The following EFHC1 variants were observed in gnomAD, a reference collection of about 807,000 sequenced individuals.
EFHC1 encodes the protein EF-hand domain-containing protein 1.
In EFHC1, 53 loss-of-function variants were observed where a neutral mutation model predicts 69.9. That is an observed-to-expected ratio of 0.76 (90% confidence interval 0.61 to 0.95). The LOEUF (loss-of-function observed/expected upper bound fraction) is 0.95, where lower values mean the gene tolerates loss of function less well. EFHC1 is among the 40% of genes least tolerant of loss of function. The pLI, the probability that EFHC1 is intolerant of heterozygous loss-of-function variation, is 0.00. For synonymous variants in EFHC1, 256 were observed against 278.4 expected (o/e 0.92, Z 0.80); for missense variants, 739 against 798.7 (o/e 0.93, Z 0.90).
chr6:52,438,560 T>C lies in EFHC1; in HGVS notation c.542T>C (p.Phe181Ser). The change falls in exon 3 of 11, where the codon TTC becomes TCC. Residue 181 changes from phenylalanine (F) to serine (S), a missense_variant. Coordinates refer to ENST00000371068, the MANE Select transcript of EFHC1 (RefSeq NM_018100.4). ...AACATCACAATTTATGGCAAAACTTTCCGCGTTGTTGACTGTGACCAATTC... is the reference window on the plus strand; with the variant it reads ...AACATCACAATTTATGGCAAAACTTCCCGCGTTGTTGACTGTGACCAATTC... ...GINITIYGKT[F>S]RVVDCDQFTQ... 1 of 1,614,028 alleles carries C rather than the reference T, an allele frequency of 6.2e-7. No homozygotes were observed. Among genetic ancestry groups the C allele is most frequent in the East Asian group, 2.2e-5 (1 of 44,886 alleles).
At chr6:52,437,245 C>T (rs962757271) in intron 2 of EFHC1, among the ~76,000 whole-genome samples, 3 of 152,094 alleles carry the variant, frequency 2.0e-5, no homozygotes, top group African/African-American at 7.2e-5. Flanking sequence ...GCAATTAACC[C>T]TTCATTTTCA....
chr6:52,442,449 C>T (rs1267256479), intron 3 of EFHC1, among the ~76,000 whole-genome samples: 1 of 151,868 alleles, frequency 6.6e-6, no homozygotes, highest in Non-Finnish European at 1.5e-5. Context: ...TCCCCACACC[C>T]CCCACCCTAT....
chr6:52,424,564 C>T lies in EFHC1; in HGVS notation c.285+397C>T, dbSNP rs140236519. Among the ~76,000 whole-genome samples the T allele has an allele frequency of 1.9e-3, 292 of 152,322 alleles. 3 individuals carry two copies. The highest frequency in any genetic ancestry group is 6.9e-3 in the African/African-American group (285 of 41,578). ...CAGAATATCATTATGAAAACAATGACTCCATCTATTGTCAGTTTTCTGCAA... is the reference window on the plus strand; with the variant it reads ...CAGAATATCATTATGAAAACAATGATTCCATCTATTGTCAGTTTTCTGCAA... On this transcript the variant is annotated intron_variant, in intron 2 of 10. Transcript: ENST00000371068.
In EFHC1 at chr6:52,455,057, A is replaced by T. The variant is rs191685442; in HGVS notation, c.916+770A>T. Among the ~76,000 whole-genome samples the T allele has an allele frequency of 4.7e-3, 714 of 152,166 alleles. 8 individuals carry two copies. Among genetic ancestry groups the T allele is most frequent in the Non-Finnish European group, 2.5e-3 (167 of 68,018 alleles). ...CGGTGAGCTGTGATTGTGGTGCTGC[A>T]CTCCAGCCTGGGCAACAGTGAGATC... On this transcript the variant is annotated intron_variant, in intron 5 of 10. Transcript: ENST00000371068.
intron 9 of EFHC1, chr6:52,484,063 A>C (rs1457322289): frequency 6.6e-6 from 1 of 152,218 alleles, no homozygotes; most frequent in Non-Finnish European, 1.5e-5. Flanking sequence ...TAGAATAAAT[A>C]GCATGTTTGT....
chr6:52,453,868 T>G lies in EFHC1; in HGVS notation c.724-227T>G, dbSNP rs1048353122. The G allele has an allele frequency of 2.9e-6, 4 of 1,374,210 alleles. No homozygotes were observed. The East Asian group carries it at 1.1e-4, about 39-fold the overall frequency. 85.1% of individuals were successfully genotyped at this position (1,374,210 alleles called of 1,614,324 possible). A position where few individuals can be genotyped will look rare whatever the true frequency, so the allele number is the denominator to read the frequency against. Reference sequence around the variant, plus strand: ...TGAGCTCTTCTTTTTTGGCACAAACTTATAATCCTATTATTTAATTCTTTC... The same window carrying G: ...TGAGCTCTTCTTTTTTGGCACAAACGTATAATCCTATTATTTAATTCTTTC... On this transcript the variant is annotated intron_variant, in intron 4 of 10. Coordinates refer to ENST00000371068, the MANE Select transcript of EFHC1 (RefSeq NM_018100.4).
chr6:52,494,530 G>C lies in EFHC1; in HGVS notation c.*2189G>C. ...GTGGCTAGTAATGTCGTAATGTGGGGCCAGGTCTGAGTGACATGTGCCGAA... is the reference window on the plus strand; with the variant it reads ...GTGGCTAGTAATGTCGTAATGTGGGCCCAGGTCTGAGTGACATGTGCCGAA... On this transcript the variant is annotated 3_prime_UTR_variant, in exon 11 of 11. Coordinates refer to ENST00000371068, the MANE Select transcript of EFHC1 (RefSeq NM_018100.4). The C allele has an allele frequency of 2.2e-6, 1 of 454,148 alleles. No individual in the cohort carries two copies. The highest frequency in any genetic ancestry group is 1.6e-5 in the South Asian group (1 of 64,472). The allele number at this position is 454,148 out of a possible 1,614,324, so 28.1% of individuals were successfully genotyped here. A position where few individuals can be genotyped will look rare whatever the true frequency, so the allele number is the denominator to read the frequency against.
At chr6:52,424,472 G>A (rs1764262208) in intron 2 of EFHC1, among the ~76,000 whole-genome samples, 2 of 152,164 alleles carry the variant, frequency 1.3e-5, no homozygotes, top group Non-Finnish European at 2.9e-5. Flanking sequence ...TTTATCAGCC[G>A]TGTGTTCTCC....
chr6:52,489,481 C>T (rs542737010), intron 9 of EFHC1: 3 of 152,320 alleles, frequency 2.0e-5, no homozygotes, highest in African/African-American at 4.8e-5. Flanking sequence ...CCTTCATGTT[C>T]AGAGGAAATA....
At chr6:52,492,137 A>G (rs1029959910) in intron 10 of EFHC1, 133 bp from the exon 11 acceptor site, 3 of 770,942 alleles carry the variant, frequency 3.9e-6, no homozygotes, top group Non-Finnish European at 4.5e-6. Flanking sequence ...TCATTTCAGA[A>G]TCAACTTGAG....
At chr6:52,440,883 T>TAGTGATG (rs1764647886) in intron 3 of EFHC1, among the ~76,000 whole-genome samples, 1 of 152,080 alleles carries the variant, frequency 6.6e-6, no homozygotes, top group Non-Finnish European at 1.5e-5. Context: ...TCTCTAATGA[T>TAGTGATG]AGTGATGTTG....
chr6:52,495,642 G>C lies in EFHC1; in HGVS notation c.*3301G>C, dbSNP rs1266587351. 2.2e-6 allele frequency: 1 copy of C among 451,714 alleles called. No homozygotes were observed. Among genetic ancestry groups the C allele is most frequent in the Admixed American group, 2.4e-5 (1 of 42,432 alleles). 28.0% of individuals were successfully genotyped at this position (451,714 alleles called of 1,614,324 possible). On this transcript the variant is annotated 3_prime_UTR_variant, in exon 11 of 11. Coordinates refer to ENST00000371068, the MANE Select transcript of EFHC1 (RefSeq NM_018100.4). ...TCTTACTCTGTTGCCAGACTGGAAT[G>C]CGGTGGTGTGACCATAGCTCACTGC...
chr6:52,445,854 A>G (rs1764772220), intron 3 of EFHC1, among the ~76,000 whole-genome samples: 1 of 152,108 alleles, frequency 6.6e-6, no homozygotes, highest in South Asian at 2.1e-4. Flanking sequence ...TTCAATTTCC[A>G]TGTAGTTGAG....
intron 5 of EFHC1, among the ~76,000 whole-genome samples, chr6:52,458,424 C>G (rs1045756888): frequency 1.3e-5 from 2 of 152,074 alleles, no homozygotes; most frequent in South Asian, 2.1e-4. Context: ...TGTCTAATAT[C>G]CAGAATCTAT....
chr6:52,455,006 C>A (rs1562453618), intron 5 of EFHC1, among the ~76,000 whole-genome samples: 2 of 152,032 alleles, frequency 1.3e-5, no homozygotes, highest in Admixed American at 6.6e-5. Context: ...GTGGGAGGAT[C>A]ATCTGAGCCT....
Position 52,461,861 on chromosome 6 carries a change from C to T in EFHC1, c.917-3034C>T, listed in dbSNP as rs547019783. 4.7e-3 allele frequency among the ~76,000 whole-genome samples: 711 copies of T among 152,126 alleles called. 7 individuals are homozygous for T. The highest frequency in any genetic ancestry group is 2.5e-3 in the Non-Finnish European group (167 of 67,994). On this transcript the variant is annotated intron_variant, in intron 5 of 10. Transcript: ENST00000371068. ...TTGATTGAGATGAAGAGGATCATTACCTATTGCAAGAATATTTTATTTACT... is the reference window on the plus strand; with the variant it reads ...TTGATTGAGATGAAGAGGATCATTATCTATTGCAAGAATATTTTATTTACT...
intron 3 of EFHC1, among the ~76,000 whole-genome samples, chr6:52,442,888 T>C (rs1581822115): frequency 6.6e-6 from 1 of 152,350 alleles, no homozygotes; most frequent in South Asian, 2.1e-4. Flanking sequence ...TCCACAATGG[T>C]TGAATTAGTT....
chr6:52,444,273 C>A (rs1233751616), intron 3 of EFHC1, among the ~76,000 whole-genome samples: 1 of 152,064 alleles, frequency 6.6e-6, no homozygotes, highest in African/African-American at 2.4e-5. Flanking sequence ...AATTGAATAC[C>A]CTTTATTTCT....
rs763169165 is a variant in EFHC1, at chr6:52,452,843, TG to T, written c.723+7del. ...TTCTCACCTTTGACAAACAGGTAAG[TG>T]ACATAGGAACCACAATAGGCTTACT... On this transcript the variant is annotated splice_region_variant and intron_variant, in intron 4 of 10. Coordinates refer to ENST00000371068, the MANE Select transcript of EFHC1 (RefSeq NM_018100.4). 1.2e-6 allele frequency: 2 copies of T among 1,614,106 alleles called. No homozygotes were observed. The highest frequency in any genetic ancestry group is 1.7e-6 in the Non-Finnish European group (2 of 1,180,026).
Sources: allele counts gnomAD v4.1 joint callset (sites outside exome capture counted in the v4.1 genomes callset), GRCh38; gene constraint gnomAD v4.1.1; transcripts MANE v1.5; gene names NCBI Gene and HGNC (gene_info 2026-07-23, HGNC 2026-07-21).